THBS2: variants seen among roughly 807,000 people sequenced by gnomAD.
The protein encoded by THBS2 is thrombospondin 2, also known as thrombospondin-2.
THBS2 carries 47 observed loss-of-function variants against 135.2 expected under a neutral mutation model. The ratio of observed to expected loss-of-function variants is 0.35; its 90% CI spans 0.28 to 0.44. The LOEUF (loss-of-function observed/expected upper bound fraction) is 0.44. Among genes scored for constraint, THBS2 ranks in the 20% least tolerant of loss-of-function variants. The pLI is 1.00. For missense variants in THBS2, 1,288 were observed against 1,603.1 expected (o/e 0.80, Z 3.36); for synonymous variants, 639 against 633.8 (o/e 1.01, Z -0.12).
Position 169,237,550 on chromosome 6 carries a change from G to A in THBS2, c.1300+75C>T, listed in dbSNP as rs1583414848. 8.8e-6 allele frequency: 14 copies of A among 1,595,584 alleles called. No individual in the cohort carries two copies. The East Asian group carries it at 3.1e-4, about 36-fold the overall frequency. On this transcript the variant is annotated intron_variant, in intron 8 of 21. Coordinates refer to ENST00000617924, the MANE Select transcript of THBS2 (RefSeq NM_003247.5). ...CCTCGTGAGGGCAGCTCTGTCCCTTGCAAAGGTCCCGATGACTGAGAGAAA... is the reference window on the plus strand; with the variant it reads ...CCTCGTGAGGGCAGCTCTGTCCCTTACAAAGGTCCCGATGACTGAGAGAAA...
chr6:169,234,988 C>G (rs1230046752), intron 9 of THBS2, 81 bp from the exon 10 acceptor site: 2 of 1,407,630 alleles, frequency 1.4e-6, no homozygotes, highest in Admixed American at 4.0e-5. Context: ...GAGGGAAGAG[C>G]AGGTGGGACA....
At chr6:169,242,839 C>T (rs1187499363) in intron 4 of THBS2, among the ~76,000 whole-genome samples, 4 of 125,318 alleles carry the variant, frequency 3.2e-5, no homozygotes, top group African/African-American at 1.3e-4. Flanking sequence ...CACCTTCCCA[C>T]CTTCCCACTG....
Position 169,229,647 on chromosome 6 carries a change from C to G in THBS2, c.2184G>C (p.Gln728His). The G allele has an allele frequency of 6.2e-7, 1 of 1,614,096 alleles. No homozygotes were observed. Among genetic ancestry groups the G allele is most frequent in the Non-Finnish European group, 8.5e-7 (1 of 1,179,976 alleles). Residue 728 changes from glutamine (Q) to histidine (H), a missense_variant, in exon 14 of 22, where the codon CAG becomes CAC. This residue lies in a region of THBS2 where 874 missense variants were observed against 1,156.1 expected (regional missense o/e 0.76). Transcript: ENST00000617924. ...CAATCCCGTCCTTGTCAAAGTCTTCCTGCCCAGAATTTGGCAGATGGGGGC... is the reference window on the plus strand; with the variant it reads ...CAATCCCGTCCTTGTCAAAGTCTTCGTGCCCAGAATTTGGCAGATGGGGGC... ...DNCPHLPNSG[Q>H]EDFDKDGIGD... is the part of the protein sequence containing the mutation.
chr6:169,218,690 TG>T lies in THBS2; in HGVS notation c.3512-862del, dbSNP rs1304175270. On this transcript the variant is annotated intron_variant, in intron 21 of 21. Transcript: ENST00000617924. The stretch of plus-strand genomic sequence containing the variant: ...ATGGGCGGATGAGTAGATGGATGGA[TG>T]GGATGGATGGATGGATGAGACAGGT... Among the ~76,000 whole-genome samples the T allele has an allele frequency of 8.5e-3, 926 of 109,032 alleles. 27 individuals carry two copies. Among genetic ancestry groups the T allele is most frequent in the East Asian group, 0.072 (256 of 3,558 alleles). 71.5% of individuals were successfully genotyped at this position (109,032 alleles called of 152,430 possible). A position where few individuals can be genotyped will look rare whatever the true frequency, so the allele number is the denominator to read the frequency against.
chr6:169,242,366 TCTG>T (rs1439109403), intron 4 of THBS2, among the ~76,000 whole-genome samples: 1 of 151,976 alleles, frequency 6.6e-6, no homozygotes, highest in African/African-American at 2.4e-5. Flanking sequence ...CGACCACAAA[TCTG>T]CTTCTTGAAC....
intron 15 of THBS2, 110 bp from the exon 16 acceptor site, chr6:169,226,408 C>A (rs1372235369): frequency 2.9e-6 from 2 of 684,962 alleles, no homozygotes; most frequent in South Asian, 4.2e-5. Flanking sequence ...AGCCACACTT[C>A]TATTTAATTA....
At position 169,229,539 on chromosome 6, in the gene THBS2, C is replaced by T. The variant is rs186188758; in HGVS notation, c.2259+33G>A. 5.2e-4 allele frequency: 824 copies of T among 1,588,566 alleles called. 1 individual carries two copies. The African/African-American group carries it at 9.7e-3, about 19-fold the overall frequency. Reference sequence around the variant, plus strand: ...CTGTGGACCTCGCTGCTCCTGGAACCCAGGGCAGGTGCGCGGCACAAGCTG... The same window carrying T: ...CTGTGGACCTCGCTGCTCCTGGAACTCAGGGCAGGTGCGCGGCACAAGCTG... On this transcript the variant is annotated intron_variant, in intron 14 of 21. Coordinates refer to ENST00000617924, the MANE Select transcript of THBS2 (RefSeq NM_003247.5).
chr6:169,228,770 A>G (rs1360484212), intron 14 of THBS2, among the ~76,000 whole-genome samples: 1 of 152,042 alleles, frequency 6.6e-6, no homozygotes, highest in Admixed American at 6.6e-5. Context: ...CTAAAAATAC[A>G]AAAATGAGCC....
chr6:169,218,640 ATGGT>A (rs1357542116), intron 21 of THBS2, among the ~76,000 whole-genome samples: 3 of 85,612 alleles, frequency 3.5e-5, no homozygotes, highest in Non-Finnish European at 7.9e-5. Context: ...GATGAGATGG[ATGGT>A]TGGGTGAATG....
At position 169,217,549 on chromosome 6, in the gene THBS2, T is replaced by A. The variant is rs1779219307; in HGVS notation, c.*273A>T. On this transcript the variant is annotated 3_prime_UTR_variant, in exon 22 of 22. Coordinates refer to ENST00000617924, the MANE Select transcript of THBS2 (RefSeq NM_003247.5). ...AAACAAACAAGAAAAAGCAATGTAA[T>A]GGCATGCCCAATTTTCACTCCACAT... 1 of 441,622 alleles carries A rather than the reference T, an allele frequency of 2.3e-6. No homozygotes were observed. Among genetic ancestry groups the A allele is most frequent in the African/African-American group, 2.0e-5 (1 of 49,822 alleles). The allele number at this position is 441,622 out of a possible 1,614,324, so 27.4% of individuals were successfully genotyped here.
chr6:169,239,894 G>C (rs959420999), intron 6 of THBS2, among the ~76,000 whole-genome samples, 199 bp from the exon 7 acceptor site: 8 of 152,176 alleles, frequency 5.3e-5, no homozygotes, highest in African/African-American at 1.9e-4. Flanking sequence ...CCCCCAGATG[G>C]CTCTTTGCAT....
intron 3 of THBS2, among the ~76,000 whole-genome samples, chr6:169,248,044 C>T (rs1043938119): frequency 1.6e-4 from 21 of 127,388 alleles, no homozygotes; most frequent in African/African-American, 3.3e-4. Flanking sequence ...TGTGTGTGTG[C>T]GTGTCTGTGT....
chr6:169,216,929 C>A lies in THBS2; in HGVS notation c.*893G>T, dbSNP rs995610000. 1.3e-5 allele frequency: 2 copies of A among 152,252 alleles called. No homozygotes were observed. Among genetic ancestry groups the A allele is most frequent in the African/African-American group, 4.8e-5 (2 of 41,466 alleles). 9.4% of individuals were successfully genotyped at this position (152,252 alleles called of 1,614,324 possible). ...AAGCCTAGATACGCGTTAGATGCGC[C>A]TTTTCCGGCCTGTGCGTCTGCTCTG... On this transcript the variant is annotated 3_prime_UTR_variant, in exon 22 of 22. Transcript: ENST00000617924.
chr6:169,226,167 C>G lies in THBS2; in HGVS notation c.2538+13G>C. On this transcript the variant is annotated intron_variant, in intron 16 of 21. Transcript: ENST00000617924. ...GAGGACCTCCAACCCCGCCTGTCTG[C>G]GGCTGCCCTCACCTGGTCAGGGTTG... The G allele has an allele frequency of 6.3e-7, 1 of 1,597,494 alleles. No individual in the cohort carries two copies. The highest frequency in any genetic ancestry group is 8.6e-7 in the Non-Finnish European group (1 of 1,167,896).
intron 4 of THBS2, among the ~76,000 whole-genome samples, chr6:169,243,554 C>T (rs960519142): frequency 2.2e-4 from 33 of 152,324 alleles, no homozygotes; most frequent in African/African-American, 7.9e-4. Flanking sequence ...AACTGTGCTG[C>T]AATTCATACT....
chr6:169,221,392 C>T, intron 20 of THBS2, 38 bp downstream of exon 20: 1 of 1,581,508 alleles, frequency 6.3e-7, no homozygotes, highest in Non-Finnish European at 8.7e-7. Context: ...GATGGGAAGC[C>T]CCTTGGAAGA....
Position 169,226,202 on chromosome 6 carries a change from G to A in THBS2, c.2516C>T (p.Pro839Leu), listed in dbSNP as rs756985285. 4.3e-6 allele frequency: 7 copies of A among 1,614,064 alleles called. No individual in the cohort carries two copies. In the South Asian group the frequency reaches 7.7e-5, roughly 18 times the overall value. ...DGVGDHCDNC[P>L]LVHNPDQTDV... is the part of the protein sequence containing the mutation. ...CACCTGGTCAGGGTTGTGCACCAGG[G>A]GGCAGTTGTCACAGTGATCCCCCAC... The change falls in exon 16 of 22, where the codon CCC becomes CTC. Residue 839 changes from proline to leucine, a missense_variant. Pro to Leu is a moderately conservative substitution (Grantham distance 98). Around this residue, in one of 2 missense-constraint regions of THBS2, gnomAD observed 874 missense variants for 1,156.1 expected, o/e 0.76. Coordinates refer to ENST00000617924, the MANE Select transcript of THBS2 (RefSeq NM_003247.5).
rs775980008 is a variant in THBS2, at chr6:169,237,283, A to C, written c.1364T>G (p.Val455Gly). Residue 455 changes from valine to glycine, a missense_variant, in exon 9 of 22, where the codon GTT becomes GGT. Around this residue, in one of 2 missense-constraint regions of THBS2, gnomAD observed 874 missense variants for 1,156.1 expected, o/e 0.76. Coordinates refer to ENST00000617924, the MANE Select transcript of THBS2 (RefSeq NM_003247.5). ...PWSSCSVTCGVGNITRIRLCN... is the reference protein window; with the variant it reads ...PWSSCSVTCGGGNITRIRLCN... ...GAGACGGATGCGTGTGATATTGCCA[A>C]CTCCACAGGTCACAGAGCATGAAGA... is the stretch of plus-strand genomic sequence containing the variant. 6.2e-7 allele frequency: 1 copy of C among 1,613,392 alleles called. No homozygotes were observed. Among genetic ancestry groups the C allele is most frequent in the Non-Finnish European group, 8.5e-7 (1 of 1,180,008 alleles).
chr6:169,234,261 A>T (rs1364471538), intron 10 of THBS2, among the ~76,000 whole-genome samples: 1 of 150,356 alleles, frequency 6.7e-6, no homozygotes, highest in Non-Finnish European at 1.5e-5. Context: ...TCCATACCAC[A>T]CAACTATCTA....
Sources: allele counts gnomAD v4.1 joint callset (sites outside exome capture counted in the v4.1 genomes callset), GRCh38; gene constraint gnomAD v4.1.1; regional missense constraint gnomAD v4.1.1; transcripts MANE v1.5; gene names NCBI Gene and HGNC (gene_info 2026-07-23, HGNC 2026-07-21).